Variants in CHM observed in about 807,000 individuals in gnomAD.
CHM encodes rab proteins geranylgeranyltransferase component A 1.
Under a neutral mutation model 49.0 loss-of-function variants are expected in CHM, and 10 were observed. The observed-to-expected ratio is 0.20, with a 90% CI of 0.13 to 0.35. The LOEUF (loss-of-function observed/expected upper bound fraction) is 0.35. CHM is among the 10% of genes least tolerant of loss of function. The pLI is 1.00. For missense variants in CHM, 455 were observed against 478.4 expected (o/e 0.95, Z 0.46); for synonymous variants, 184 against 167.5 (o/e 1.10, Z -0.76).
At chrX:86,017,577 C>T (rs1376413048) in intron 2 of CHM, among the ~76,000 whole-genome samples, 1 of 111,331 alleles carries the variant, frequency 9.0e-6, no homozygotes, top group African/African-American at 3.3e-5. Context: ...TTGCCTCCCG[C>T]CATGATTCTG....
intron 1 of CHM, among the ~76,000 whole-genome samples, chrX:86,041,737 T>TAC (rs1934471455): frequency 1.1e-5 from 1 of 93,557 alleles, no homozygotes; most frequent in Admixed American, 1.2e-4. Flanking sequence ...TATATATATA[T>TAC]ATATATATAT....
intron 1 of CHM, among the ~76,000 whole-genome samples, chrX:86,037,511 C>T (rs1371945123): frequency 9.0e-6 from 1 of 111,558 alleles, no homozygotes; most frequent in Non-Finnish European, 1.9e-5. Context: ...CAGGCCAGTG[C>T]TCTTCAAACT....
intron 2 of CHM, among the ~76,000 whole-genome samples, chrX:85,992,948 G>A (rs750822181): frequency 1.2e-4 from 13 of 111,708 alleles, no homozygotes; most frequent in Non-Finnish European, 2.3e-4. Context: ...ATTCAAATCC[G>A]TTTATAGACA....
intron 6 of CHM, 78 bp downstream of exon 6, chrX:85,958,783 C>A: frequency 1.7e-6 from 2 of 1,191,561 alleles, no homozygotes; most frequent in Non-Finnish European, 2.3e-6. Flanking sequence ...AAATAACAAT[C>A]TTATTTGCTT....
chrX:85,979,026 T>C, intron 3 of CHM, 135 bp from the exon 4 acceptor site: 1 of 629,551 alleles, frequency 1.6e-6, no homozygotes, highest in Non-Finnish European at 2.3e-6. Context: ...CACCTCAGAG[T>C]CACCAAAGAA....
rs1269159883 is a variant in CHM, at chrX:86,007,111, C to G, written c.116+20380G>C. Among the ~76,000 whole-genome samples, 6 of 111,661 alleles carry G rather than the reference C, an allele frequency of 5.4e-5. No homozygotes were observed. The East Asian group carries it at 8.4e-4, about 16-fold the overall frequency. ...AGCCCTCAGAAATAATGCCACATAT[C>G]TACAACTATCTGATCTTTGATAAAC... On this transcript the variant is annotated intron_variant, in intron 2 of 14. Transcript: ENST00000357749.
At chrX:86,027,401 C>T (rs895630168) in intron 2 of CHM, 90 bp downstream of exon 2, 13 of 716,857 alleles carry the variant, frequency 1.8e-5, no homozygotes, top group Non-Finnish European at 2.9e-5. Context: ...CATACATGTA[C>T]ATACGTACAG....
chrX:85,967,893 C>T (rs1035635488), intron 4 of CHM, among the ~76,000 whole-genome samples: 2 of 111,005 alleles, frequency 1.8e-5, no homozygotes, highest in African/African-American at 6.6e-5. Context: ...AAAGAAACAC[C>T]TCAAAGTAAA....
At position 85,990,991 on chromosome X, in the gene CHM, A is replaced by G. The variant is rs762981968; in HGVS notation, c.117-9182T>C. ...GACATTCAAGCATATTCATCTGGGA[A>G]CCATTCTAATTATTAAGAAATTAGG... On this transcript the variant is annotated intron_variant, in intron 2 of 14. Transcript: ENST00000357749. 5.4e-5 allele frequency among the ~76,000 whole-genome samples: 6 copies of G among 111,971 alleles called. 1 individual carries two copies. The South Asian group carries it at 2.2e-3, about 42-fold the overall frequency.
chrX:85,912,762 C>T (rs962388512), intron 8 of CHM, among the ~76,000 whole-genome samples: 1 of 111,063 alleles, frequency 9.0e-6, no homozygotes, highest in Admixed American at 9.6e-5. Context: ...CCTGTAATCC[C>T]AGCACTTTGG....
At chrX:85,916,302 C>T (rs1267231327) in intron 8 of CHM, among the ~76,000 whole-genome samples, 1 of 112,002 alleles carries the variant, frequency 8.9e-6, no homozygotes, top group Non-Finnish European at 1.9e-5. Context: ...TCTAAATTAA[C>T]TCAAGATAGA....
At chrX:85,923,106 G>A (rs754048903) in intron 8 of CHM, among the ~76,000 whole-genome samples, 4 of 111,896 alleles carry the variant, frequency 3.6e-5, no homozygotes, top group East Asian at 5.6e-4. Flanking sequence ...AATTAATGTG[G>A]ACATTCTAAC....
chrX:85,994,432 A>C (rs1215459258), intron 2 of CHM, among the ~76,000 whole-genome samples: 1 of 111,548 alleles, frequency 9.0e-6, no homozygotes, highest in Non-Finnish European at 1.9e-5. Flanking sequence ...AAGAAGACAA[A>C]CAGAAACAAG....
chrX:85,915,784 A>T (rs886140763), intron 8 of CHM, among the ~76,000 whole-genome samples: 1 of 112,238 alleles, frequency 8.9e-6, no homozygotes, highest in Non-Finnish European at 1.9e-5. Flanking sequence ...ACCACTGCTG[A>T]AAGAAATCAG....
chrX:85,893,885 T>TA (rs777094206), intron 12 of CHM, among the ~76,000 whole-genome samples: 2 of 110,669 alleles, frequency 1.8e-5, no homozygotes, highest in African/African-American at 6.6e-5. Context: ...AAATTAACAA[T>TA]AAAAAAAATG....
intron 8 of CHM, among the ~76,000 whole-genome samples, chrX:85,921,984 C>T (rs956366911): frequency 1.1e-4 from 12 of 111,827 alleles, no homozygotes; most frequent in African/African-American, 3.9e-4. Context: ...ACTATAAATG[C>T]AGTATTTACA....
At chrX:85,883,215 T>C (rs953274785) in intron 12 of CHM, among the ~76,000 whole-genome samples, 10 of 111,735 alleles carry the variant, frequency 8.9e-5, no homozygotes, top group African/African-American at 2.9e-4. Flanking sequence ...CCAAATGCAT[T>C]TAAAGAATCT....
chrX:86,042,466 G>A (rs1362344324), intron 1 of CHM, among the ~76,000 whole-genome samples: 2 of 110,292 alleles, frequency 1.8e-5, no homozygotes, highest in Non-Finnish European at 3.8e-5. Flanking sequence ...AGGGGAAGCA[G>A]GCATCTCCCT....
intron 4 of CHM, among the ~76,000 whole-genome samples, chrX:85,966,250 G>A (rs1337047738): frequency 3.7e-5 from 4 of 107,928 alleles, no homozygotes; most frequent in Admixed American, 1.0e-4. Flanking sequence ...TTGGGAGGCT[G>A]AGGCCAGAGA....
Sources: gnomAD v4.1 joint callset for allele counts (sites outside exome capture counted in the v4.1 genomes callset) on GRCh38, gnomAD v4.1.1 for gene constraint, MANE v1.5 for transcripts, NCBI Gene and HGNC (gene_info 2026-07-23, HGNC 2026-07-21) for gene names.